LRMDA: variants seen among roughly 807,000 people sequenced by gnomAD.
The protein encoded by LRMDA is leucine-rich melanocyte differentiation-associated protein.
In LRMDA, 18 loss-of-function variants were observed where a neutral mutation model predicts 29.8. That is an observed-to-expected ratio of 0.60 (90% confidence interval 0.42 to 0.90). The LOEUF is 0.90. Ranked by LOEUF, LRMDA falls within the 40% of genes least tolerant of loss-of-function variation. The probability of loss-of-function intolerance (pLI) is 0.00; values close to 1 mark genes in which losing one functional copy is unlikely to be tolerated. For missense variants in LRMDA, 273 were observed against 273.9 expected, an observed-to-expected ratio of 1.00 and a Z score of 0.02; for synonymous variants, 125 against 109.4, an observed-to-expected ratio of 1.14 and a Z score of -0.89.
At chr10:76,196,537 C>G (rs530459355) in intron 5 of LRMDA, among the ~76,000 whole-genome samples, 1 of 152,206 alleles carries the variant, frequency 6.6e-6, no homozygotes, top group Admixed American at 6.5e-5. Context: ...CTTCCTTACA[C>G]TGCTTTGCTC....
intron 6 of LRMDA, among the ~76,000 whole-genome samples, chr10:76,443,874 T>A (rs1842328052): frequency 6.6e-6 from 1 of 152,160 alleles, no homozygotes; most frequent in Non-Finnish European, 1.5e-5. Flanking sequence ...CCCTTCTGGG[T>A]TTATATTGGT....
At chr10:75,572,659 G>A (rs937694647) in intron 2 of LRMDA, among the ~76,000 whole-genome samples, 1 of 152,220 alleles carries the variant, frequency 6.6e-6, no homozygotes, top group African/African-American at 2.4e-5. Flanking sequence ...TGAAGGCTAA[G>A]TATAGTTTAG....
chr10:76,323,463 G>A (rs1229999932), intron 5 of LRMDA, among the ~76,000 whole-genome samples: 7 of 151,840 alleles, frequency 4.6e-5, no homozygotes, highest in Admixed American at 2.0e-4. Flanking sequence ...TGTTAGCTTC[G>A]GATTTTGATC....
At chr10:76,371,481 T>C (rs551776341) in intron 6 of LRMDA, among the ~76,000 whole-genome samples, 3 of 152,308 alleles carry the variant, frequency 2.0e-5, no homozygotes, top group South Asian at 2.1e-4. Flanking sequence ...CCTGGAATCA[T>C]ATCCTAGCTA....
intron 6 of LRMDA, among the ~76,000 whole-genome samples, chr10:76,533,047 T>A (rs1281251380): frequency 6.6e-6 from 1 of 152,198 alleles, no homozygotes; most frequent in Non-Finnish European, 1.5e-5. Context: ...AATAAATTTC[T>A]TATTCAAAGA....
At chr10:76,025,765 G>T (rs1253013645) in intron 2 of LRMDA, among the ~76,000 whole-genome samples, 2 of 152,146 alleles carry the variant, frequency 1.3e-5, no homozygotes, top group Non-Finnish European at 2.9e-5. Context: ...CATTTGCATT[G>T]AGACTTAGCT....
intron 2 of LRMDA, among the ~76,000 whole-genome samples, chr10:75,836,270 CAT>C (rs1844434827): frequency 6.6e-6 from 1 of 152,288 alleles, no homozygotes; most frequent in Non-Finnish European, 1.5e-5. Flanking sequence ...GCAGCCAACA[CAT>C]GTTATAGAGC....
intron 2 of LRMDA, among the ~76,000 whole-genome samples, chr10:75,843,234 A>C (rs1375883174): frequency 6.6e-6 from 1 of 152,256 alleles, no homozygotes; most frequent in Non-Finnish European, 1.5e-5. Flanking sequence ...TTATGGACAC[A>C]GCTACTAAAT....
At chr10:75,961,612 A>G (rs892833334) in intron 2 of LRMDA, among the ~76,000 whole-genome samples, 1 of 152,154 alleles carries the variant, frequency 6.6e-6, no homozygotes, top group Admixed American at 6.5e-5. Flanking sequence ...TTCTCAGTCG[A>G]GGGGTATAGT....
chr10:76,207,020 T>C (rs1392540923), intron 5 of LRMDA, among the ~76,000 whole-genome samples: 1 of 152,168 alleles, frequency 6.6e-6, no homozygotes, highest in Non-Finnish European at 1.5e-5. Flanking sequence ...AAACTGCAGT[T>C]TGTGGTGGTT....
intron 6 of LRMDA, among the ~76,000 whole-genome samples, chr10:76,485,760 T>A (rs1050732494): frequency 2.6e-5 from 4 of 151,882 alleles, no homozygotes; most frequent in African/African-American, 9.7e-5. Flanking sequence ...GAAGGATAAC[T>A]CCACTGAAAT....
At chr10:76,338,728 T>C (rs1841000636) in intron 6 of LRMDA, among the ~76,000 whole-genome samples, 1 of 152,126 alleles carries the variant, frequency 6.6e-6, no homozygotes, top group South Asian at 2.1e-4. Context: ...TAAAATACTT[T>C]TTCAAGAGGT....
chr10:76,544,200 G>A (rs1843391729), intron 6 of LRMDA, among the ~76,000 whole-genome samples: 1 of 152,192 alleles, frequency 6.6e-6, no homozygotes, highest in Non-Finnish European at 1.5e-5. Flanking sequence ...GTTGCCGAAT[G>A]TGGCTTAGAG....
chr10:76,219,503 T>C (rs1369561762), intron 5 of LRMDA, among the ~76,000 whole-genome samples: 1 of 151,806 alleles, frequency 6.6e-6, no homozygotes, highest in Non-Finnish European at 1.5e-5. Context: ...CCAACAAAGA[T>C]CAAAAGAGGC....
intron 6 of LRMDA, among the ~76,000 whole-genome samples, chr10:76,406,813 T>C (rs1841907040): frequency 6.6e-6 from 1 of 152,150 alleles, no homozygotes; most frequent in Non-Finnish European, 1.5e-5. Context: ...TATTGGTCCA[T>C]AGAATGAGCC....
At chr10:76,099,097 C>A (rs1240438882) in intron 5 of LRMDA, among the ~76,000 whole-genome samples, 1 of 152,208 alleles carries the variant, frequency 6.6e-6, no homozygotes, top group Non-Finnish European at 1.5e-5. Context: ...TGCCTTCCAG[C>A]TACATGACTC....
At chr10:76,064,344 C>CA (rs1848750055) in intron 5 of LRMDA, among the ~76,000 whole-genome samples, 2 of 152,200 alleles carry the variant, frequency 1.3e-5, no homozygotes, top group African/African-American at 4.8e-5. Context: ...TTCTCCTCGT[C>CA]ACTCGGGGTG....
chr10:76,533,837 C>A (rs1050319034), intron 6 of LRMDA, among the ~76,000 whole-genome samples: 2 of 152,136 alleles, frequency 1.3e-5, no homozygotes, highest in Non-Finnish European at 2.9e-5. Flanking sequence ...ACTTGAGAAA[C>A]AAAATATATT....
chr10:75,510,677 A>T (rs188715051), intron 2 of LRMDA, among the ~76,000 whole-genome samples: 106 of 152,252 alleles, frequency 7.0e-4, no homozygotes, highest in African/African-American at 2.5e-3. Context: ...GGCCAGTTGA[A>T]TGGATGGTGG....
Sources: allele counts gnomAD v4.1 joint callset (sites outside exome capture counted in the v4.1 genomes callset), GRCh38; gene constraint gnomAD v4.1.1; transcripts MANE v1.5; gene names NCBI Gene and HGNC (gene_info 2026-07-23, HGNC 2026-07-21).